ENTREP2: variants seen among roughly 807,000 people sequenced by gnomAD.
ENTREP2 encodes the protein endosomal transmembrane epsin interactor 2, also known as protein ENTREP2.
the ENTREP2 span, among the ~76,000 whole-genome samples, chr15:29,649,960 T>C: frequency 0.15 from 22,444 of 151,876 alleles, 3,258 homozygotes; most frequent in African/African-American, 0.38. Flanking sequence ...ATGTGAAAGG[T>C]ATATGCCTCA....
the ENTREP2 span, among the ~76,000 whole-genome samples, chr15:29,186,928 G>C: frequency 6.6e-6 from 1 of 152,180 alleles, no homozygotes; most frequent in African/African-American, 2.4e-5. Context: ...ATTTCAGCTA[G>C]GATTAGAGGT....
At chr15:29,455,168 A>C in the ENTREP2 span, among the ~76,000 whole-genome samples, 1 of 152,070 alleles carries the variant, frequency 6.6e-6, no homozygotes, top group East Asian at 1.9e-4. Flanking sequence ...TGAGACTACA[A>C]AGCCCATCAC....
At chr15:29,151,930 G>A in the ENTREP2 span, 30 of 899,804 alleles carry the variant, frequency 3.3e-5, no homozygotes, top group African/African-American at 4.0e-4. Context: ...AGAATGAGCC[G>A]AGGTCGATGA....
chr15:29,526,274 T>C, the ENTREP2 span, among the ~76,000 whole-genome samples: 1 of 152,138 alleles, frequency 6.6e-6, no homozygotes, highest in Non-Finnish European at 1.5e-5. Flanking sequence ...AACTCTCTCT[T>C]GTTACAGGGA....
At chr15:29,332,682 G>A in the ENTREP2 span, among the ~76,000 whole-genome samples, 576 of 152,220 alleles carry the variant, frequency 3.8e-3, 7 homozygotes, top group African/African-American at 0.013. Context: ...ACTTGGAGCC[G>A]GGTGGGGTGG....
the ENTREP2 span, chr15:29,151,707 AGAG>A: frequency 1.3e-6 from 2 of 1,517,406 alleles, no homozygotes; most frequent in Middle Eastern, 3.4e-4. Flanking sequence ...CAAACCGCGC[AGAG>A]GAGGAGGGGA....
At chr15:29,285,375 A>T in the ENTREP2 span, among the ~76,000 whole-genome samples, 1 of 152,238 alleles carries the variant, frequency 6.6e-6, no homozygotes, top group Admixed American at 6.5e-5. Context: ...GTGCTCTCTC[A>T]GAAGTATGAA....
chr15:29,341,549 A>G, the ENTREP2 span, among the ~76,000 whole-genome samples: 1 of 152,222 alleles, frequency 6.6e-6, no homozygotes, highest in East Asian at 1.9e-4. Flanking sequence ...AAACCTGATC[A>G]CTAACATAAT....
At chr15:29,366,045 T>C in the ENTREP2 span, among the ~76,000 whole-genome samples, 16 of 152,318 alleles carry the variant, frequency 1.1e-4, no homozygotes, top group Non-Finnish European at 2.1e-4. Flanking sequence ...CTATTTTGTT[T>C]TGGCTAATAA....
At chr15:29,153,728 T>C in the ENTREP2 span, among the ~76,000 whole-genome samples, 4 of 152,242 alleles carry the variant, frequency 2.6e-5, no homozygotes, top group Non-Finnish European at 5.9e-5. Flanking sequence ...TCTAAAACTT[T>C]GTCAAGCCCC....
chr15:29,634,514 G>A, the ENTREP2 span, among the ~76,000 whole-genome samples: 3 of 152,132 alleles, frequency 2.0e-5, no homozygotes, highest in Non-Finnish European at 2.9e-5. Context: ...GACTTCTATG[G>A]CCAAATGTGC....
At chr15:29,232,354 G>A in the ENTREP2 span, among the ~76,000 whole-genome samples, 1 of 151,988 alleles carries the variant, frequency 6.6e-6, no homozygotes, top group Admixed American at 6.5e-5. Flanking sequence ...TGACATATGA[G>A]TCATCTAACA....
At chr15:29,140,595 A>C in the ENTREP2 span, among the ~76,000 whole-genome samples, 1 of 151,390 alleles carries the variant, frequency 6.6e-6, no homozygotes, top group East Asian at 2.0e-4. Flanking sequence ...ACTATCAAAC[A>C]CGTATTGTTC....
chr15:29,569,851 C>T, the ENTREP2 span: 2 of 152,442 alleles, frequency 1.3e-5, no homozygotes, highest in Non-Finnish European at 2.9e-5. Flanking sequence ...CCCTTGCCTG[C>T]CCCCTGCCCC....
the ENTREP2 span, among the ~76,000 whole-genome samples, chr15:29,184,575 C>T: frequency 2.0e-5 from 3 of 152,104 alleles, no homozygotes; most frequent in South Asian, 2.1e-4. Context: ...ATTTTCCCAT[C>T]TCCTCATGGA....
At chr15:29,621,417 G>A in the ENTREP2 span, among the ~76,000 whole-genome samples, 8 of 150,838 alleles carry the variant, frequency 5.3e-5, no homozygotes, top group African/African-American at 2.0e-4. Flanking sequence ...CAGCTACTCG[G>A]GAGGCTGAGG....
At chr15:29,386,705 C>T in the ENTREP2 span, among the ~76,000 whole-genome samples, 2 of 151,910 alleles carry the variant, frequency 1.3e-5, no homozygotes, top group Admixed American at 6.6e-5. Flanking sequence ...ATGAGGATGA[C>T]GCCTTCACAA....
the ENTREP2 span, among the ~76,000 whole-genome samples, chr15:29,294,423 G>C: frequency 0.049 from 7,402 of 152,238 alleles, 609 homozygotes; most frequent in African/African-American, 0.17. Context: ...CTTGTCCTGG[G>C]TCTCTGCAGG....
At chr15:29,264,133 C>CCTGGGT in the ENTREP2 span, among the ~76,000 whole-genome samples, 2 of 56,566 alleles carry the variant, frequency 3.5e-5, no homozygotes, top group East Asian at 6.7e-4. Context: ...ACAGCCTGGG[C>CCTGGGT]GACAGAGCGA....
Sources: allele counts gnomAD v4.1 joint callset (sites outside exome capture counted in the v4.1 genomes callset), GRCh38; gene constraint gnomAD v4.1.1; transcripts MANE v1.5; gene names NCBI Gene and HGNC (gene_info 2026-07-23, HGNC 2026-07-21).